PIK3R5: variants seen among roughly 807,000 people sequenced by gnomAD.
The protein encoded by PIK3R5 is phosphoinositide-3-kinase regulatory subunit 5.
A neutral mutation model predicts 94.9 loss-of-function variants in PIK3R5; 32 were observed. That is an observed-to-expected ratio of 0.34 (90% CI 0.25 to 0.45). The LOEUF is 0.45. Ranked by LOEUF, PIK3R5 falls within the 20% of genes least tolerant of loss-of-function variation. PIK3R5 has a pLI of 1.00. For synonymous variants in PIK3R5, 443 were observed against 479.4 expected (o/e 0.92, Z 0.99); for missense variants, 853 against 1,144.6 (o/e 0.75, Z 3.68).
chr17:8,934,731 C>T (rs117180642), intron 1 of PIK3R5, among the ~76,000 whole-genome samples: 4 of 152,254 alleles, frequency 2.6e-5, no homozygotes, highest in Non-Finnish European at 2.9e-5. Flanking sequence ...CACAATAAGT[C>T]GTATCATGGG....
Position 8,955,564 on chromosome 17 carries a change from T to C in PIK3R5, c.-14+10032A>G, listed in dbSNP as rs1179655009. Reference sequence around the variant, plus strand: ...GAACACAGTGACATAGAAGTTTTCATAAGAAGAATCTCCTGGTGAAGAGAG... The same window carrying C: ...GAACACAGTGACATAGAAGTTTTCACAAGAAGAATCTCCTGGTGAAGAGAG... On this transcript the variant is annotated intron_variant, in intron 1 of 18. Transcript: ENST00000447110. This position sits in a 1 kb window ranked among gnomAD's most constrained non-coding sequence, Gnocchi z 4.4. Among the ~76,000 whole-genome samples the C allele has an allele frequency of 6.6e-6, 1 of 152,094 alleles. No individual in the cohort carries two copies. The highest frequency in any genetic ancestry group is 6.5e-5 in the Admixed American group (1 of 15,276).
intron 1 of PIK3R5, among the ~76,000 whole-genome samples, chr17:8,939,980 G>A (rs1204622795): frequency 1.3e-5 from 2 of 152,200 alleles, no homozygotes; most frequent in Non-Finnish European, 2.9e-5. Flanking sequence ...TCTCAGCTTA[G>A]TCTTACACAT....
At chr17:8,964,234 A>G (rs1157000573) in intron 1 of PIK3R5, among the ~76,000 whole-genome samples, 2 of 152,082 alleles carry the variant, frequency 1.3e-5, no homozygotes, top group African/African-American at 4.8e-5. Context: ...TCTACAAAAA[A>G]TACAAAAATT....
rs2090525714 is a variant in PIK3R5, at chr17:8,911,572, A to T, written c.-13-65T>A. ...TTTCCCAGAGAGCACCTGGTCCAGTAAAGACAACAGGTGCTCACAGTGCAG... is the reference window on the plus strand; with the variant it reads ...TTTCCCAGAGAGCACCTGGTCCAGTTAAGACAACAGGTGCTCACAGTGCAG... On this transcript the variant is annotated intron_variant, in intron 1 of 18. Transcript: ENST00000447110. The surrounding 1 kb of genome is among the most constrained non-coding windows in gnomAD (Gnocchi z 5.3). 1 of 1,078,094 alleles carries T rather than the reference A, an allele frequency of 9.3e-7. No individual in the cohort carries two copies. The highest frequency in any genetic ancestry group is 1.4e-6 in the Non-Finnish European group (1 of 726,548). The allele number at this position is 1,078,094 out of a possible 1,614,324, so 66.8% of individuals were successfully genotyped here.
Position 8,925,033 on chromosome 17 carries a change from T to C in PIK3R5, c.-13-13526A>G, listed in dbSNP as rs1338566644. Among the ~76,000 whole-genome samples the C allele has an allele frequency of 6.6e-6, 1 of 152,072 alleles. No individual in the cohort carries two copies. Among genetic ancestry groups the C allele is most frequent in the Non-Finnish European group, 1.5e-5 (1 of 68,014 alleles). Reference sequence around the variant, plus strand: ...GATAGTAGATGGATAGATAGATAGATAGTAGATGAATAGATAGATAGATAG... The same window carrying C: ...GATAGTAGATGGATAGATAGATAGACAGTAGATGAATAGATAGATAGATAG... On this transcript the variant is annotated intron_variant, in intron 1 of 18. Coordinates refer to ENST00000447110, the MANE Select transcript of PIK3R5 (RefSeq NM_001142633.3). The surrounding 1 kb of genome is among the most constrained non-coding windows in gnomAD (Gnocchi z 5.1).
At chr17:8,963,488 C>T (rs1216068966) in intron 1 of PIK3R5, among the ~76,000 whole-genome samples, 3 of 151,942 alleles carry the variant, frequency 2.0e-5, no homozygotes, top group East Asian at 3.9e-4. Flanking sequence ...CACCCAGTGC[C>T]ACCAGTTAGC....
At chr17:8,885,469 A>C (rs1342412029) in intron 14 of PIK3R5, among the ~76,000 whole-genome samples, 64 of 13,078 alleles carry the variant, frequency 4.9e-3, no homozygotes, top group Admixed American at 7.1e-3. Context: ...CCATGGCCCC[A>C]CCTCCTGGGT....
chr17:8,886,175 G>T, intron 14 of PIK3R5, 54 bp downstream of exon 14: 2 of 1,390,840 alleles, frequency 1.4e-6, no homozygotes, highest in Non-Finnish European at 1.0e-6. Flanking sequence ...AGAGCTCCAC[G>T]TTTCGCGTCC....
rs552337482 is a variant in PIK3R5 at position 8,890,981 on chromosome 17, C to T, written c.483-69G>A. On this transcript the variant is annotated intron_variant, in intron 6 of 18. Transcript: ENST00000447110. This position sits in a 1 kb window ranked among gnomAD's most constrained non-coding sequence, Gnocchi z 6.1. ...CATGCCACAGTGCAGCCACCCCCCT[C>T]GTGCCTGCTGGTGCTCAGCTCCACT... is the stretch of plus-strand genomic sequence containing the variant. 2.4e-4 allele frequency: 355 copies of T among 1,470,072 alleles called. No individual in the cohort carries two copies. Among genetic ancestry groups the T allele is most frequent in the Middle Eastern group, 1.6e-3 (7 of 4,424 alleles). The allele number at this position is 1,470,072 out of a possible 1,614,324, so 91.1% of individuals were successfully genotyped here.
rs982552449 is a variant in PIK3R5, at chr17:8,896,998, C to T, written c.413-3343G>A. On this transcript the variant is annotated intron_variant, in intron 5 of 18. Coordinates refer to ENST00000447110, the MANE Select transcript of PIK3R5 (RefSeq NM_001142633.3). The surrounding 1 kb of genome is among the most constrained non-coding windows in gnomAD (Gnocchi z 4.0). Reference sequence around the variant, plus strand: ...GTGGACAGTTTGACCTACCTCATACCCTGAAGCAAACACCAGGCACACCAC... The same window carrying T: ...GTGGACAGTTTGACCTACCTCATACTCTGAAGCAAACACCAGGCACACCAC... Among the ~76,000 whole-genome samples the T allele has an allele frequency of 6.6e-6, 1 of 152,148 alleles. No individual in the cohort carries two copies. The highest frequency in any genetic ancestry group is 2.4e-5 in the African/African-American group (1 of 41,422).
Position 8,888,258 on chromosome 17 carries a change from T to A in PIK3R5, c.1529A>T (p.Glu510Val). The change falls in exon 10 of 19, where the codon GAG (glutamate) becomes GTG (valine). Residue 510 changes from glutamate to valine, a missense_variant. Physicochemically the swap from Glu to Val is moderately radical, Grantham distance 121. Coordinates refer to ENST00000447110, the MANE Select transcript of PIK3R5 (RefSeq NM_001142633.3). The surrounding 1 kb of genome is among the most constrained non-coding windows in gnomAD (Gnocchi z 7.8). ...ACGTAGCGTGGAAGCCTTGGGATCC[T>A]CATCTCCACTCAGGAAGGGGCGGCG... is the stretch of plus-strand genomic sequence containing the variant. ...QRRRPFLSGD[E>V]DPKASTLRVV... is the part of the protein sequence containing the mutation. 6.2e-7 allele frequency: 1 copy of A among 1,613,402 alleles called. No individual in the cohort carries two copies.
chr17:8,929,413 A>G (rs2090948861), intron 1 of PIK3R5, among the ~76,000 whole-genome samples: 1 of 152,210 alleles, frequency 6.6e-6, no homozygotes, highest in Admixed American at 6.5e-5. Context: ...GGCTATATTA[A>G]TATCAGATAA....
intron 5 of PIK3R5, among the ~76,000 whole-genome samples, chr17:8,901,518 A>G (rs1357614377): frequency 6.6e-6 from 1 of 152,226 alleles, no homozygotes; most frequent in Non-Finnish European, 1.5e-5. Flanking sequence ...ACACTTCCAA[A>G]GAAATTTACA....
intron 1 of PIK3R5, among the ~76,000 whole-genome samples, chr17:8,947,019 C>T (rs2091285219): frequency 6.6e-6 from 1 of 152,194 alleles, no homozygotes; most frequent in Non-Finnish European, 1.5e-5. Context: ...CAGCTGAGTG[C>T]CTGGCACATA....
In PIK3R5 at chr17:8,881,965, G is replaced by T; in HGVS notation, c.2206-84C>A. 9.4e-7 allele frequency: 1 copy of T among 1,058,264 alleles called. No individual in the cohort carries two copies. The highest frequency in any genetic ancestry group is 1.4e-6 in the Non-Finnish European group (1 of 696,178). 65.6% of individuals were successfully genotyped at this position (1,058,264 alleles called of 1,614,324 possible). ...CTCTTTGAAGGCCCATCAGTGACAG[G>T]GGGTTGCCTCTAGTTAGCATATCCC... On this transcript the variant is annotated intron_variant, in intron 15 of 18. Coordinates refer to ENST00000447110, the MANE Select transcript of PIK3R5 (RefSeq NM_001142633.3). This position sits in a 1 kb window ranked among gnomAD's most constrained non-coding sequence, Gnocchi z 4.8.
intron 5 of PIK3R5, among the ~76,000 whole-genome samples, chr17:8,902,249 ATTTTTTT>A (rs397960477): frequency 5.2e-5 from 4 of 77,194 alleles, no homozygotes; most frequent in African/African-American, 1.1e-4. Flanking sequence ...TGATATATTA[ATTTTTTT>A]TTTTTTTTTT....
At chr17:8,933,199 TG>T (rs1412723763) in intron 1 of PIK3R5, among the ~76,000 whole-genome samples, 1 of 152,212 alleles carries the variant, frequency 6.6e-6, no homozygotes, top group Non-Finnish European at 1.5e-5. Flanking sequence ...GTGATTGAAA[TG>T]TTTTATATAT....
chr17:8,920,707 A>C (rs562827556), intron 1 of PIK3R5, among the ~76,000 whole-genome samples: 1 of 152,366 alleles, frequency 6.6e-6, no homozygotes, highest in South Asian at 2.1e-4. Context: ...TTTAAAGTTA[A>C]TTAGCAAGAA....
rs1388545103 is a variant in PIK3R5 at position 8,964,544 on chromosome 17, A to G, written c.-14+1052T>C. Among the ~76,000 whole-genome samples the G allele has an allele frequency of 5.3e-5, 8 of 152,246 alleles. No individual in the cohort carries two copies. The East Asian group carries it at 1.3e-3, about 26-fold the overall frequency. On this transcript the variant is annotated intron_variant, in intron 1 of 18. Coordinates refer to ENST00000447110, the MANE Select transcript of PIK3R5 (RefSeq NM_001142633.3). Reference sequence around the variant, plus strand: ...GGAACTTGGGTCTCTTTTCCACATCATGCATGGTTCCCAAGCAACGGCTTC... The same window carrying G: ...GGAACTTGGGTCTCTTTTCCACATCGTGCATGGTTCCCAAGCAACGGCTTC...
Sources: allele counts gnomAD v4.1 joint callset (sites outside exome capture counted in the v4.1 genomes callset), GRCh38; gene constraint gnomAD v4.1.1; non-coding constraint Gnocchi (gnomAD v3.1); transcripts MANE v1.5; gene names NCBI Gene and HGNC (gene_info 2026-07-23, HGNC 2026-07-21).